The following ZBTB20 variants were observed in gnomAD, a reference collection of about 807,000 sequenced individuals.
ZBTB20 encodes zinc finger and BTB domain-containing protein 20.
A neutral mutation model predicts 56.9 loss-of-function variants in ZBTB20; 9 were observed. That is an observed-to-expected ratio of 0.16 (90% CI 0.10 to 0.28). The LOEUF is 0.28. Among genes scored for constraint, ZBTB20 ranks in the 10% least tolerant of loss-of-function variants. ZBTB20 has a pLI of 1.00. For synonymous variants in ZBTB20, 417 were observed against 420.7 expected (o/e 0.99, Z 0.11); for missense variants, 655 against 1,003.0 (o/e 0.65, Z 4.69).
chr3:114,695,405 A>C (rs1247001414), intron 5 of ZBTB20, among the ~76,000 whole-genome samples: 1 of 151,990 alleles, frequency 6.6e-6, no homozygotes, highest in Non-Finnish European at 1.5e-5. Flanking sequence ...AGAAGTCTAC[A>C]TTGGCACACA....
intron 6 of ZBTB20, among the ~76,000 whole-genome samples, chr3:114,505,501 G>A (rs777039155): frequency 2.0e-5 from 3 of 152,118 alleles, no homozygotes; most frequent in Non-Finnish European, 2.9e-5. Flanking sequence ...TAGCTGAAGA[G>A]GGTAAATGGT....
intron 4 of ZBTB20, among the ~76,000 whole-genome samples, chr3:114,887,425 G>T (rs916839806): frequency 6.6e-6 from 1 of 152,178 alleles, no homozygotes; most frequent in African/African-American, 2.4e-5. Flanking sequence ...GGTCCTTGCA[G>T]ATGCAACTAA....
At chr3:114,390,552 C>T (rs2085753455) in intron 7 of ZBTB20, among the ~76,000 whole-genome samples, 1 of 152,168 alleles carries the variant, frequency 6.6e-6, no homozygotes, top group Non-Finnish European at 1.5e-5. Context: ...TATTTTCTTT[C>T]TTCTGTTCTC....
At chr3:115,030,761 C>T (rs1576605523) in intron 2 of ZBTB20, among the ~76,000 whole-genome samples, 1 of 151,274 alleles carries the variant, frequency 6.6e-6, no homozygotes, top group East Asian at 1.9e-4. Context: ...TATTGATATT[C>T]CTAAAAATCT....
intron 7 of ZBTB20, among the ~76,000 whole-genome samples, chr3:114,396,573 T>C (rs2086355897): frequency 6.6e-6 from 1 of 152,288 alleles, no homozygotes; most frequent in Admixed American, 6.5e-5. Context: ...TCATCAGTCA[T>C]GAAGGCAGAG....
intron 5 of ZBTB20, among the ~76,000 whole-genome samples, chr3:114,795,061 T>C (rs549763035): frequency 5.7e-4 from 87 of 152,144 alleles, no homozygotes; most frequent in African/African-American, 1.9e-3. Flanking sequence ...TTAATAATTA[T>C]TAACTAGAAA....
chr3:114,641,672 T>C (rs1043065523), intron 6 of ZBTB20, among the ~76,000 whole-genome samples: 2 of 151,880 alleles, frequency 1.3e-5, no homozygotes, highest in Non-Finnish European at 2.9e-5. Context: ...TAGATCTCTA[T>C]AGACATGTTC....
chr3:115,018,229 A>C (rs764412374), intron 2 of ZBTB20, among the ~76,000 whole-genome samples: 5 of 151,480 alleles, frequency 3.3e-5, no homozygotes, highest in Non-Finnish European at 7.4e-5. Flanking sequence ...TTAAAGAGTT[A>C]GATCATTGGG....
rs746920213 is a variant in ZBTB20, at chr3:114,350,803, C to A, written c.1275G>T (p.Gln425His). 7 of 1,613,952 alleles carry A rather than the reference C, an allele frequency of 4.3e-6. No homozygotes were observed. Among genetic ancestry groups the A allele is most frequent in the Non-Finnish European group, 5.1e-6 (6 of 1,180,020 alleles). ...APAEGGPQTN[Q>H]LETGASSPER... The stretch of plus-strand genomic sequence containing the variant: ...CCGGAGAGGAAGCACCTGTTTCTAG[C>A]TGGTTTGTCTGCGGACCACCCTCAG... The change falls in exon 11 of 12, where the codon CAG (glutamine) becomes CAT (histidine). Residue 425 changes from glutamine (Q) to histidine (H), a missense_variant. Physicochemically the swap from Gln to His is conservative, Grantham distance 24. Coordinates refer to ENST00000675478, the MANE Select transcript of ZBTB20 (RefSeq NM_001348800.3).
chr3:115,085,953 T>A (rs1284261319), intron 1 of ZBTB20, among the ~76,000 whole-genome samples: 1 of 151,882 alleles, frequency 6.6e-6, no homozygotes, highest in East Asian at 1.9e-4. Context: ...ATAAAAACAA[T>A]TTTTAAAAGC....
chr3:114,357,602 A>G (rs779778289), intron 10 of ZBTB20, among the ~76,000 whole-genome samples: 1 of 152,162 alleles, frequency 6.6e-6, no homozygotes, highest in Non-Finnish European at 1.5e-5. Context: ...ATAAATGGAC[A>G]TGTTTATACT....
rs867220781 is a variant in ZBTB20 at position 114,888,191 on chromosome 3, G to A, written c.-417+12113C>T. ...CCAGCACTTTGGGAGGCTGAGGCAG[G>A]AGGACTGCTGGAGCCCAGGAGTTTG... On this transcript the variant is annotated intron_variant, in intron 4 of 11. Transcript: ENST00000675478. 2.0e-5 allele frequency among the ~76,000 whole-genome samples: 3 copies of A among 152,190 alleles called. No individual in the cohort carries two copies. The Middle Eastern group carries it at 0.01, about 518-fold the overall frequency.
chr3:114,607,299 ATTCAT>A lies in ZBTB20; in HGVS notation c.-295+86224_-295+86228del, dbSNP rs1370014435. Among the ~76,000 whole-genome samples, 18 of 99,246 alleles carry A rather than the reference ATTCAT, an allele frequency of 1.8e-4. No individual in the cohort carries two copies. The South Asian group carries it at 3.4e-3, about 19-fold the overall frequency. The allele number at this position is 99,246 out of a possible 152,430, so 65.1% of individuals were successfully genotyped here. ...AACTAGAAAAAGCATAAAACTGTTC[ATTCAT>A]TTTTTTTTTTTTTTTGAGACAGAGT... On this transcript the variant is annotated intron_variant, in intron 6 of 11. Transcript: ENST00000675478.
intron 1 of ZBTB20, among the ~76,000 whole-genome samples, chr3:115,113,336 A>C (rs992078345): frequency 6.6e-6 from 1 of 152,200 alleles, no homozygotes; most frequent in Non-Finnish European, 1.5e-5. Flanking sequence ...CATATAATTG[A>C]TGGGTGAATT....
At chr3:114,371,830 C>A (rs9835549) in intron 10 of ZBTB20, among the ~76,000 whole-genome samples, 2 of 151,816 alleles carry the variant, frequency 1.3e-5, no homozygotes, top group Non-Finnish European at 2.9e-5. Flanking sequence ...ACCAGGTAAC[C>A]TTTAATCTTG....
chr3:114,570,144 A>T (rs2053258890), intron 6 of ZBTB20, among the ~76,000 whole-genome samples: 1 of 147,542 alleles, frequency 6.8e-6, no homozygotes, highest in Non-Finnish European at 1.5e-5. Context: ...TAAAGGTAAA[A>T]CATTCCCTTC....
chr3:114,329,816 C>A lies in ZBTB20; in HGVS notation c.*9189G>T, dbSNP rs961131088. 1 of 148,892 alleles carries A rather than the reference C, an allele frequency of 6.7e-6. No individual in the cohort carries two copies. The highest frequency in any genetic ancestry group is 1.5e-5 in the Non-Finnish European group (1 of 67,690). 9.2% of individuals were successfully genotyped at this position (148,892 alleles called of 1,614,324 possible). A position where few individuals can be genotyped will look rare whatever the true frequency, so the allele number is the denominator to read the frequency against. On this transcript the variant is annotated 3_prime_UTR_variant, in exon 12 of 12. Transcript: ENST00000675478. ...GAAGACTAGTTAAAATAATTCTAAGCGTATTGAAAAAAGAAAGTGTAAAGA... is the reference window on the plus strand; with the variant it reads ...GAAGACTAGTTAAAATAATTCTAAGAGTATTGAAAAAAGAAAGTGTAAAGA...
intron 4 of ZBTB20, among the ~76,000 whole-genome samples, chr3:114,808,751 A>G (rs1464566606): frequency 6.6e-6 from 1 of 152,006 alleles, no homozygotes; most frequent in Non-Finnish European, 1.5e-5. Context: ...TATCATGTCT[A>G]TACTTACCTA....
At chr3:114,606,283 A>G (rs564626514) in intron 6 of ZBTB20, among the ~76,000 whole-genome samples, 1 of 151,948 alleles carries the variant, frequency 6.6e-6, no homozygotes, top group East Asian at 1.9e-4. Flanking sequence ...AATCTTTTCT[A>G]CTTTTTTTCA....
Sources: allele counts gnomAD v4.1 joint callset (sites outside exome capture counted in the v4.1 genomes callset), GRCh38; gene constraint gnomAD v4.1.1; transcripts MANE v1.5; gene names NCBI Gene and HGNC (gene_info 2026-07-23, HGNC 2026-07-21).